Variants in ORC4 observed in about 807,000 individuals in gnomAD.
The protein encoded by ORC4 is origin recognition complex subunit 4.
Under a neutral mutation model 63.9 loss-of-function variants are expected in ORC4, and 55 were observed. That is an observed-to-expected ratio of 0.86 (90% confidence interval 0.69 to 1.08). The LOEUF is 1.08. Ranked by LOEUF, ORC4 falls within the 50% of genes least tolerant of loss-of-function variation. The pLI, the probability that ORC4 is intolerant of heterozygous loss-of-function variation, is 0.00. For missense variants in ORC4, 511 were observed against 504.4 expected (o/e 1.01, Z -0.13); for synonymous variants, 150 against 168.5 (o/e 0.89, Z 0.85).
At chr2:148,019,098 A>C (rs1235180430) in intron 1 of ORC4, among the ~76,000 whole-genome samples, 1 of 152,148 alleles carries the variant, frequency 6.6e-6, no homozygotes, top group Non-Finnish European at 1.5e-5. Flanking sequence ...TTACACTATA[A>C]AGACAGACAA....
At chr2:148,007,922 T>C (rs1445313426) in intron 1 of ORC4, among the ~76,000 whole-genome samples, 1 of 152,130 alleles carries the variant, frequency 6.6e-6, no homozygotes, top group East Asian at 1.9e-4. Context: ...GATGACAAAC[T>C]TTAGCAGAAA....
At chr2:147,973,039 AC>A (rs1690313053) in intron 3 of ORC4, among the ~76,000 whole-genome samples, 2 of 152,134 alleles carry the variant, frequency 1.3e-5, no homozygotes, top group African/African-American at 4.8e-5. Flanking sequence ...TCAGGTGAAA[AC>A]GTAGTCAGAT....
chr2:147,975,064 A>T (rs894237665), intron 2 of ORC4, among the ~76,000 whole-genome samples: 1 of 152,188 alleles, frequency 6.6e-6, no homozygotes, highest in Admixed American at 6.5e-5. Context: ...AAGAGAGTTA[A>T]ACTACTTCCT....
chr2:147,943,951 C>T (rs1369705955), intron 9 of ORC4, among the ~76,000 whole-genome samples: 1 of 152,100 alleles, frequency 6.6e-6, no homozygotes, highest in African/African-American at 2.4e-5. Flanking sequence ...ATTCCAGTTA[C>T]AGGGAACAGC....
chr2:147,985,418 G>T (rs770006777), intron 1 of ORC4, among the ~76,000 whole-genome samples: 4 of 152,052 alleles, frequency 2.6e-5, no homozygotes, highest in Non-Finnish European at 5.9e-5. Flanking sequence ...GGATAGTCTC[G>T]ATTTCCTGAC....
upstream of ORC4, chr2:148,021,301 G>A (rs1295923088): frequency 5.2e-6 from 2 of 387,638 alleles, no homozygotes; most frequent in Non-Finnish European, 1.0e-5. Flanking sequence ...GCCTGAGAGA[G>A]GAGAAGGAGT....
At chr2:147,989,608 G>A (rs548701381) in intron 1 of ORC4, among the ~76,000 whole-genome samples, 1 of 152,182 alleles carries the variant, frequency 6.6e-6, no homozygotes, top group Admixed American at 6.5e-5. Context: ...CAGGAGACTT[G>A]AGGCAGGAGA....
Position 147,952,498 on chromosome 2 carries a change from T to A in ORC4, c.463A>T (p.Ile155Phe). ...KGDRTSSCPV[I>F]FILDEFDLFA... ...AGATCAAATTCATCTAATATGAAGATCACTGGGCAACTGCTAGTTCGGTCA... is the reference window on the plus strand; with the variant it reads ...AGATCAAATTCATCTAATATGAAGAACACTGGGCAACTGCTAGTTCGGTCA... The change falls in exon 8 of 14, where the codon ATC becomes TTC. Residue 155 changes from isoleucine to phenylalanine, a missense_variant. Transcript: ENST00000392857. 6.2e-7 allele frequency: 1 copy of A among 1,611,588 alleles called. No individual in the cohort carries two copies. Among genetic ancestry groups the A allele is most frequent in the Non-Finnish European group, 8.5e-7 (1 of 1,177,740 alleles).
At position 147,958,293 on chromosome 2, in the gene ORC4, C is replaced by T; in HGVS notation, c.387+5G>A. 6 of 1,570,884 alleles carry T rather than the reference C, an allele frequency of 3.8e-6. No homozygotes were observed. Among genetic ancestry groups the T allele is most frequent in the Non-Finnish European group, 5.3e-6 (6 of 1,141,578 alleles). Reference sequence around the variant, plus strand: ...ATTTAATAAAATAACTGAAATGATACTTACAAAAACTTTATCTCCAACTAC... The same window carrying T: ...ATTTAATAAAATAACTGAAATGATATTTACAAAAACTTTATCTCCAACTAC... On this transcript the variant is annotated splice_donor_5th_base_variant and intron_variant, in intron 6 of 13. Coordinates refer to ENST00000392857, the MANE Select transcript of ORC4 (RefSeq NM_181741.4).
At chr2:147,975,743 C>G (rs1690513589) in intron 2 of ORC4, among the ~76,000 whole-genome samples, 159 bp downstream of exon 2, 1 of 152,122 alleles carries the variant, frequency 6.6e-6, no homozygotes, top group African/African-American at 2.4e-5. Context: ...CGACCTTGTG[C>G]TGGCATCTCG....
At chr2:148,013,133 C>T (rs756196644) in intron 1 of ORC4, among the ~76,000 whole-genome samples, 2 of 152,184 alleles carry the variant, frequency 1.3e-5, no homozygotes, top group Non-Finnish European at 2.9e-5. Flanking sequence ...ATCTGTACTC[C>T]CATGTTAACT....
chr2:147,956,497 C>T (rs1037878576), intron 6 of ORC4, among the ~76,000 whole-genome samples: 1 of 151,930 alleles, frequency 6.6e-6, no homozygotes, highest in African/African-American at 2.4e-5. Flanking sequence ...TATATCAAAC[C>T]AGAAAAGCTG....
At chr2:147,999,737 T>C (rs769757998) in intron 1 of ORC4, among the ~76,000 whole-genome samples, 3 of 152,150 alleles carry the variant, frequency 2.0e-5, no homozygotes, top group African/African-American at 7.2e-5. Context: ...TGCCCAGCCA[T>C]ATTCACAGAG....
rs535119697 is a variant in ORC4 at position 147,989,786 on chromosome 2, G to A, written c.-17-13811C>T. 1.8e-4 allele frequency among the ~76,000 whole-genome samples: 28 copies of A among 152,164 alleles called. No homozygotes were observed. In the South Asian group the frequency reaches 2.1e-3, roughly 11 times the overall value. On this transcript the variant is annotated intron_variant, in intron 1 of 13. Transcript: ENST00000392857. The stretch of plus-strand genomic sequence containing the variant: ...TTCCAAGAACACTAATTTATATCAA[G>A]TTTTTCTTAGTTTGGAATAAGAACT...
At chr2:148,000,182 A>G (rs1160880182) in intron 1 of ORC4, among the ~76,000 whole-genome samples, 1 of 152,100 alleles carries the variant, frequency 6.6e-6, no homozygotes, top group Non-Finnish European at 1.5e-5. Context: ...GAATTTTCCC[A>G]GAGTTGATGG....
intron 9 of ORC4, among the ~76,000 whole-genome samples, chr2:147,946,197 A>C (rs552875098): frequency 9.9e-5 from 15 of 152,078 alleles, no homozygotes; most frequent in Non-Finnish European, 1.8e-4. Context: ...TGAGATGCTC[A>C]GAATGCAACA....
intron 1 of ORC4, among the ~76,000 whole-genome samples, chr2:147,990,369 C>G (rs2105398012): frequency 6.6e-6 from 1 of 152,300 alleles, no homozygotes; most frequent in Admixed American, 6.5e-5. Context: ...TTCAGTCCAT[C>G]AGAATTAGTT....
intron 1 of ORC4, among the ~76,000 whole-genome samples, chr2:147,977,304 A>G (rs1690620092): frequency 6.6e-6 from 1 of 152,192 alleles, no homozygotes; most frequent in Non-Finnish European, 1.5e-5. Flanking sequence ...CCCTGAATTT[A>G]GCTCAGTGAA....
chr2:147,959,529 A>G (rs1689462665), intron 4 of ORC4, among the ~76,000 whole-genome samples: 1 of 152,040 alleles, frequency 6.6e-6, no homozygotes, highest in Admixed American at 6.5e-5. Context: ...TGGCATCAAA[A>G]CTTAGGACAA....
Sources: gnomAD v4.1 joint callset for allele counts (sites outside exome capture counted in the v4.1 genomes callset) on GRCh38, gnomAD v4.1.1 for gene constraint, MANE v1.5 for transcripts, NCBI Gene and HGNC (gene_info 2026-07-23, HGNC 2026-07-21) for gene names.